HPSE2: variants seen among roughly 807,000 people sequenced by gnomAD.
HPSE2 encodes inactive heparanase-2.
A neutral mutation model predicts 60.5 loss-of-function variants in HPSE2; 38 were observed. The observed-to-expected ratio is 0.63, with a 90% confidence interval of 0.48 to 0.82. The LOEUF is 0.82. Among genes scored for constraint, HPSE2 ranks in the 40% least tolerant of loss-of-function variants. The probability of loss-of-function intolerance (pLI) is 0.00; values close to 1 mark genes in which losing one functional copy is unlikely to be tolerated. For missense variants in HPSE2, 713 were observed against 740.4 expected, an observed-to-expected ratio of 0.96 and a Z score of 0.43; for synonymous variants, 295 against 293.2, an observed-to-expected ratio of 1.01 and a Z score of -0.06.
chr10:98,610,910 A>G (rs1163420140), intron 9 of HPSE2, among the ~76,000 whole-genome samples: 1 of 152,202 alleles, frequency 6.6e-6, no homozygotes, highest in East Asian at 1.9e-4. Flanking sequence ...TCAAGCTCTT[A>G]AAAAAAGCAG....
intron 3 of HPSE2, among the ~76,000 whole-genome samples, chr10:98,901,463 A>G (rs1038518075): frequency 6.6e-6 from 1 of 152,216 alleles, no homozygotes; most frequent in Non-Finnish European, 1.5e-5. Flanking sequence ...TTTCTACAAC[A>G]GTCACCTAGC....
chr10:98,740,349 A>G (rs1949467729), intron 4 of HPSE2, among the ~76,000 whole-genome samples: 1 of 151,760 alleles, frequency 6.6e-6, no homozygotes, highest in Admixed American at 6.6e-5. Context: ...CTAATTTTCT[A>G]GTTTTTTGTA....
In HPSE2 at chr10:98,482,651, T is replaced by G. The variant is rs751538717; in HGVS notation, c.1598A>C (p.Glu533Ala). The stretch of plus-strand genomic sequence containing the variant: ...TGGCACGTACTTGGACTTTAGGCCC[T>G]CCTGCCCATAGGGCTGCAGCAGGTA... ...HQYLLQPYGQEGLKSKSVQLN... is the reference protein window; with the variant it reads ...HQYLLQPYGQAGLKSKSVQLN... Residue 533 changes from glutamate to alanine, a missense_variant, in exon 11 of 12, where the codon GAG becomes GCG. Coordinates refer to ENST00000370552, the MANE Select transcript of HPSE2 (RefSeq NM_021828.5). The G allele has an allele frequency of 3.7e-6, 6 of 1,614,050 alleles. No homozygotes were observed. The African/African-American group carries it at 4.0e-5, about 11-fold the overall frequency.
intron 6 of HPSE2, among the ~76,000 whole-genome samples, chr10:98,667,728 T>G (rs1244394234): frequency 6.6e-6 from 1 of 152,084 alleles, no homozygotes; most frequent in Non-Finnish European, 1.5e-5. Context: ...ATTTCAACAT[T>G]GTTTAATTGC....
At chr10:98,916,506 T>C (rs1352095046) in intron 3 of HPSE2, among the ~76,000 whole-genome samples, 1 of 152,216 alleles carries the variant, frequency 6.6e-6, no homozygotes, top group African/African-American at 2.4e-5. Flanking sequence ...CACATATCAG[T>C]TTATGAAACT....
chr10:98,927,003 A>G (rs898355112), intron 3 of HPSE2, among the ~76,000 whole-genome samples: 2 of 152,034 alleles, frequency 1.3e-5, no homozygotes, highest in African/African-American at 4.8e-5. Context: ...GTTCTTTTAC[A>G]TTTGCTGAGG....
At chr10:98,622,987 G>A (rs1187760244) in intron 7 of HPSE2, among the ~76,000 whole-genome samples, 1 of 152,076 alleles carries the variant, frequency 6.6e-6, no homozygotes, top group African/African-American at 2.4e-5. Context: ...AAAAATCTGT[G>A]TACATGATAA....
intron 3 of HPSE2, among the ~76,000 whole-genome samples, chr10:99,047,164 G>C (rs1021500618): frequency 2.0e-5 from 3 of 151,976 alleles, no homozygotes; most frequent in African/African-American, 7.2e-5. Flanking sequence ...CAAAAATACA[G>C]CCACATATTT....
intron 2 of HPSE2, among the ~76,000 whole-genome samples, chr10:99,182,463 G>A (rs1441674742): frequency 6.6e-6 from 1 of 152,130 alleles, no homozygotes; most frequent in Non-Finnish European, 1.5e-5. Context: ...TATTTAGCAA[G>A]CTGCTTGTAC....
chr10:98,924,219 T>C (rs572078825), intron 3 of HPSE2, among the ~76,000 whole-genome samples: 1 of 152,286 alleles, frequency 6.6e-6, no homozygotes, highest in East Asian at 1.9e-4. Context: ...CCAAAACACA[T>C]GGAGTCTCTC....
chr10:98,980,619 G>A (rs779778765), intron 3 of HPSE2, among the ~76,000 whole-genome samples: 9 of 152,148 alleles, frequency 5.9e-5, no homozygotes, highest in South Asian at 2.1e-4. Flanking sequence ...AAGTCTGGCC[G>A]CTGGGATTGA....
At chr10:98,550,655 T>G (rs508451) in intron 9 of HPSE2, among the ~76,000 whole-genome samples, 1 of 151,930 alleles carries the variant, frequency 6.6e-6, no homozygotes, top group South Asian at 2.1e-4. Flanking sequence ...TATAGTATTG[T>G]AGTAGAGACG....
chr10:98,920,457 C>T (rs1285307071), intron 3 of HPSE2, among the ~76,000 whole-genome samples: 1 of 152,160 alleles, frequency 6.6e-6, no homozygotes, highest in Non-Finnish European at 1.5e-5. Context: ...CCTTAACTGA[C>T]ACAATACTTT....
intron 9 of HPSE2, among the ~76,000 whole-genome samples, chr10:98,582,038 C>G (rs1196797528): frequency 7.2e-5 from 11 of 152,154 alleles, no homozygotes. Context: ...CTTCTCCAGC[C>G]AGGACTTCAC....
intron 2 of HPSE2, among the ~76,000 whole-genome samples, chr10:99,172,707 G>A (rs1161019888): frequency 6.6e-6 from 1 of 152,096 alleles, no homozygotes; most frequent in Non-Finnish European, 1.5e-5. Flanking sequence ...GTGAAAACCT[G>A]TCTCTACTAA....
chr10:99,306,223 G>A, the HPSE2 span, among the ~76,000 whole-genome samples: 1 of 152,092 alleles, frequency 6.6e-6, no homozygotes, highest in Non-Finnish European at 1.5e-5. Context: ...TAAAAGTGAT[G>A]AAAGATCCAC....
chr10:98,897,652 C>T (rs1007581769), intron 3 of HPSE2, among the ~76,000 whole-genome samples: 3 of 151,900 alleles, frequency 2.0e-5, no homozygotes, highest in Admixed American at 2.0e-4. Flanking sequence ...CATCCATATG[C>T]AATAAAAAAC....
intron 9 of HPSE2, among the ~76,000 whole-genome samples, chr10:98,603,471 C>T (rs1353628340): frequency 1.4e-5 from 2 of 145,952 alleles, no homozygotes; most frequent in Non-Finnish European, 3.0e-5. Flanking sequence ...TGCTCTGTCG[C>T]CAGGCTGGAG....
chr10:98,942,689 T>C (rs1589404225), intron 3 of HPSE2, among the ~76,000 whole-genome samples: 4 of 152,142 alleles, frequency 2.6e-5, no homozygotes, highest in African/African-American at 9.7e-5. Flanking sequence ...CTCAGGGATC[T>C]GGAACTAGAA....
Sources: allele counts gnomAD v4.1 joint callset (sites outside exome capture counted in the v4.1 genomes callset), GRCh38; gene constraint gnomAD v4.1.1; transcripts MANE v1.5; gene names NCBI Gene and HGNC (gene_info 2026-07-23, HGNC 2026-07-21).